RANBP2: variants seen among roughly 807,000 people sequenced by gnomAD.
The protein encoded by RANBP2 is RAN binding protein 2.
Under a neutral mutation model 303.6 loss-of-function variants are expected in RANBP2, and 57 were observed. The ratio of observed to expected loss-of-function variants is 0.19; its 90% confidence interval spans 0.15 to 0.23. The LOEUF is 0.23. Ranked by LOEUF, RANBP2 falls within the 10% of genes least tolerant of loss-of-function variation. The pLI, the probability that RANBP2 is intolerant of heterozygous loss-of-function variation, is 1.00. For synonymous variants in RANBP2, 1,167 were observed against 1,301.5 expected (o/e 0.90, Z 2.23); for missense variants, 3,138 against 3,780.8 (o/e 0.83, Z 4.46).
the RANBP2 span, among the ~76,000 whole-genome samples, chr2:109,708,244 G>A: frequency 6.6e-6 from 1 of 151,638 alleles, no homozygotes; most frequent in Admixed American, 6.6e-5. Flanking sequence ...ATTTTAGCTG[G>A]GCATGGTGGC....
chr2:108,961,933 A>G, the RANBP2 span, among the ~76,000 whole-genome samples: 2 of 152,226 alleles, frequency 1.3e-5, no homozygotes, highest in Admixed American at 6.5e-5. Flanking sequence ...TATTTGTAAG[A>G]AAAACTCTAG....
the RANBP2 span, among the ~76,000 whole-genome samples, chr2:109,645,874 T>C: frequency 6.6e-6 from 1 of 152,152 alleles, no homozygotes; most frequent in Non-Finnish European, 1.5e-5. Context: ...ACATACTGGC[T>C]CTCAGGGGTG....
chr2:108,719,507 G>A lies in RANBP2; in HGVS notation c.-100G>A. 1.3e-6 allele frequency: 2 copies of A among 1,530,624 alleles called. No individual in the cohort carries two copies. The highest frequency in any genetic ancestry group is 1.8e-6 in the Non-Finnish European group (2 of 1,135,644). The allele number at this position is 1,530,624 out of a possible 1,614,324, so 94.8% of individuals were successfully genotyped here. On this transcript the variant is annotated 5_prime_UTR_variant, in exon 1 of 29. Coordinates refer to ENST00000283195, the MANE Select transcript of RANBP2 (RefSeq NM_006267.5). ...ACAGTGGTCCTCCGCCGGCTACGGC[G>A]CTGCGTCACTGGTTTGCAGGCGCTT...
At chr2:109,371,695 G>T in the RANBP2 span, 2 of 1,609,838 alleles carry the variant, frequency 1.2e-6, no homozygotes, top group Non-Finnish European at 1.7e-6. Context: ...AGACCGTGCC[G>T]CCCTCCCACA....
chr2:108,816,752 G>A, the RANBP2 span, among the ~76,000 whole-genome samples: 1 of 152,176 alleles, frequency 6.6e-6, no homozygotes, highest in African/African-American at 2.4e-5. Context: ...CTGGAGTGCA[G>A]TGGCCCAGTC....
chr2:109,678,478 G>T, the RANBP2 span, among the ~76,000 whole-genome samples: 11 of 152,196 alleles, frequency 7.2e-5, no homozygotes, highest in Non-Finnish European at 1.3e-4. Flanking sequence ...AGCCCAGCTG[G>T]TCACCAAAGA....
the RANBP2 span, among the ~76,000 whole-genome samples, chr2:109,059,324 C>G: frequency 6.6e-6 from 1 of 152,134 alleles, no homozygotes; most frequent in East Asian, 1.9e-4. Flanking sequence ...GCCTGTAATC[C>G]CAACACTTTG....
the RANBP2 span, among the ~76,000 whole-genome samples, chr2:109,422,763 CCT>C: frequency 6.6e-6 from 1 of 152,140 alleles, no homozygotes; most frequent in South Asian, 2.1e-4. Flanking sequence ...GTAGGTTGCC[CCT>C]GATTTTGAAG....
the RANBP2 span, among the ~76,000 whole-genome samples, chr2:109,425,936 C>T: frequency 1.3e-5 from 2 of 152,052 alleles, no homozygotes; most frequent in South Asian, 2.1e-4. Context: ...TTCACTCTGT[C>T]GTCCAGGCTG....
chr2:109,065,766 C>T, the RANBP2 span, among the ~76,000 whole-genome samples: 364 of 152,332 alleles, frequency 2.4e-3, 3 homozygotes, highest in African/African-American at 8.5e-3. Context: ...AAGAGCCTAT[C>T]AGTGGAGTGC....
At chr2:109,022,449 G>A in the RANBP2 span, among the ~76,000 whole-genome samples, 1 of 152,228 alleles carries the variant, frequency 6.6e-6, no homozygotes, top group East Asian at 1.9e-4. Flanking sequence ...GGATTTTCCA[G>A]ATGGTGGACA....
chr2:109,599,323 T>C, the RANBP2 span, among the ~76,000 whole-genome samples: 6 of 151,620 alleles, frequency 4.0e-5, no homozygotes, highest in Admixed American at 2.6e-4. Context: ...CCAGGCGTGG[T>C]GGTGTGTGCC....
the RANBP2 span, among the ~76,000 whole-genome samples, chr2:108,941,027 C>T: frequency 4.7e-4 from 71 of 152,182 alleles, no homozygotes; most frequent in Non-Finnish European, 7.9e-4. Flanking sequence ...ATCTGCCCCA[C>T]GCTGGGCTGT....
In RANBP2 at chr2:108,719,665, C is replaced by G; in HGVS notation, c.59C>G (p.Pro20Arg). The G allele has an allele frequency of 6.2e-7, 1 of 1,605,860 alleles. No individual in the cohort carries two copies. Among genetic ancestry groups the G allele is most frequent in the Non-Finnish European group, 8.5e-7 (1 of 1,177,356 alleles). The change falls in exon 1 of 29, where the codon CCG becomes CGG. Residue 20 changes from proline (P) to arginine (R), a missense_variant. By Grantham distance (103) the Pro-to-Arg change is moderately radical. Around this residue, in one of 20 missense-constraint regions of RANBP2, gnomAD observed 306 missense variants for 381.9 expected, o/e 0.80. Coordinates refer to ENST00000283195, the MANE Select transcript of RANBP2 (RefSeq NM_006267.5). ...RYIASVQGSTPSPRQKSMKGF... is the reference protein window; with the variant it reads ...RYIASVQGSTRSPRQKSMKGF... ...ATCGCCTCGGTGCAGGGCTCCACCCCGTCGCCTCGACAGGTGAGTGGGTCT... is the reference window on the plus strand; with the variant it reads ...ATCGCCTCGGTGCAGGGCTCCACCCGGTCGCCTCGACAGGTGAGTGGGTCT...
chr2:108,952,937 T>C, the RANBP2 span, among the ~76,000 whole-genome samples: 1 of 152,232 alleles, frequency 6.6e-6, no homozygotes, highest in African/African-American at 2.4e-5. Context: ...TGCTTTTAGT[T>C]CCAAGGCATT....
the RANBP2 span, among the ~76,000 whole-genome samples, chr2:109,446,254 A>G: frequency 3.9e-5 from 6 of 152,112 alleles, no homozygotes; most frequent in Non-Finnish European, 8.8e-5. Flanking sequence ...GTGAAATCGG[A>G]AGTGACATGG....
intron 14 of RANBP2, 121 bp from the exon 15 acceptor site, chr2:108,753,704 C>A (rs1676085132): frequency 2.0e-5 from 31 of 1,578,320 alleles, no homozygotes; most frequent in Non-Finnish European, 2.6e-5. Context: ...CAGGCTCAAG[C>A]GATTCTTGTG....
chr2:108,830,268 G>C, the RANBP2 span, among the ~76,000 whole-genome samples: 56 of 152,322 alleles, frequency 3.7e-4, no homozygotes, highest in African/African-American at 1.3e-3. Context: ...AGAGAATGGA[G>C]AGTTATTATT....
the RANBP2 span, among the ~76,000 whole-genome samples, chr2:108,850,912 C>G: frequency 6.6e-6 from 1 of 152,130 alleles, no homozygotes; most frequent in Non-Finnish European, 1.5e-5. Context: ...ACAAGCTGCT[C>G]CAATTCACTT....
Sources: gnomAD v4.1 joint callset for allele counts (sites outside exome capture counted in the v4.1 genomes callset) on GRCh38, gnomAD v4.1.1 for gene constraint, gnomAD v4.1.1 regional missense constraint, MANE v1.5 for transcripts, NCBI Gene and HGNC (gene_info 2026-07-23, HGNC 2026-07-21) for gene names.